CSMD1: variants seen among roughly 807,000 people sequenced by gnomAD.
CSMD1 encodes the protein CUB and sushi domain-containing protein 1.
CSMD1 carries 213 observed loss-of-function variants against 417.5 expected under a neutral mutation model. That is an observed-to-expected ratio of 0.51 (90% confidence interval 0.46 to 0.57). The LOEUF (loss-of-function observed/expected upper bound fraction) is 0.57, where lower values mean the gene tolerates loss of function less well. Among genes scored for constraint, CSMD1 ranks in the 20% least tolerant of loss-of-function variants. The pLI, the probability that CSMD1 is intolerant of heterozygous loss-of-function variation, is 0.00. For synonymous variants in CSMD1, 2,862 were observed against 1,736.8 expected (o/e 1.65, Z -16.11); for missense variants, 6,923 against 4,529.7 (o/e 1.53, Z -15.17).
chr8:3,638,565 T>C (rs1422490245), intron 7 of CSMD1, among the ~76,000 whole-genome samples: 2 of 152,186 alleles, frequency 1.3e-5, no homozygotes, highest in Non-Finnish European at 2.9e-5. Context: ...TGCTTGTCCC[T>C]GCCTGCAAAG....
chr8:3,869,847 T>C (rs1226210198), intron 5 of CSMD1, among the ~76,000 whole-genome samples: 1 of 151,920 alleles, frequency 6.6e-6, no homozygotes, highest in African/African-American at 2.4e-5. Flanking sequence ...CATTCCATGC[T>C]TTTATGAATT....
intron 3 of CSMD1, among the ~76,000 whole-genome samples, chr8:4,412,462 C>G (rs138742344): frequency 6.6e-6 from 1 of 152,310 alleles, no homozygotes; most frequent in Non-Finnish European, 1.5e-5. Context: ...AGAAGCCGGG[C>G]AGATGCCAGT....
Position 3,915,083 on chromosome 8 carries a change from G to A in CSMD1, c.818+82820C>T, listed in dbSNP as rs745501522. On this transcript the variant is annotated intron_variant, in intron 5 of 69. Coordinates refer to ENST00000635120, the MANE Select transcript of CSMD1 (RefSeq NM_033225.6). The stretch of plus-strand genomic sequence containing the variant: ...ATAGTTATTGAATTAATTAGGGATC[G>A]GAAAAGCCCTAATAATGAAGAGTCA... Among the ~76,000 whole-genome samples the A allele has an allele frequency of 3.0e-4, 46 of 152,142 alleles. 1 individual carries two copies. Among genetic ancestry groups the A allele is most frequent in the South Asian group, 8.3e-4 (4 of 4,810 alleles).
intron 6 of CSMD1, among the ~76,000 whole-genome samples, chr8:3,719,275 C>T (rs1044743047): frequency 1.7e-4 from 26 of 152,228 alleles, no homozygotes; most frequent in African/African-American, 5.8e-4. Context: ...ACCCCAGTTT[C>T]AGCAAAAAGG....
intron 54 of CSMD1, among the ~76,000 whole-genome samples, chr8:2,994,598 T>C (rs1806712791): frequency 6.6e-6 from 1 of 152,228 alleles, no homozygotes; most frequent in Admixed American, 6.5e-5. Flanking sequence ...AAACAACTCA[T>C]ATGTGGTAAA....
At chr8:4,517,749 G>A (rs1803203113) in intron 2 of CSMD1, among the ~76,000 whole-genome samples, 1 of 152,106 alleles carries the variant, frequency 6.6e-6, no homozygotes, top group Non-Finnish European at 1.5e-5. Context: ...TCATCTCAAT[G>A]CTTCAAGTAA....
rs956467819 is a variant in CSMD1 at position 3,665,516 on chromosome 8, G to A, written c.1009+42898C>T. On this transcript the variant is annotated intron_variant, in intron 7 of 69. Transcript: ENST00000635120. ...TGCACTCCAGCCTGGGCGACAGAGCGAGACTCCATCTCAAAGATATATATA... is the reference window on the plus strand; with the variant it reads ...TGCACTCCAGCCTGGGCGACAGAGCAAGACTCCATCTCAAAGATATATATA... 2.4e-4 allele frequency among the ~76,000 whole-genome samples: 36 copies of A among 152,204 alleles called. 1 individual carries two copies. Among genetic ancestry groups the A allele is most frequent in the South Asian group, 6.2e-4 (3 of 4,820 alleles).
intron 1 of CSMD1, among the ~76,000 whole-genome samples, chr8:4,951,064 A>T (rs970339541): frequency 6.6e-6 from 1 of 152,214 alleles, no homozygotes; most frequent in African/African-American, 2.4e-5. Context: ...CAACAAATAC[A>T]AATAATAAAT....
At chr8:3,160,774 T>C (rs1819837023) in intron 38 of CSMD1, among the ~76,000 whole-genome samples, 1 of 152,242 alleles carries the variant, frequency 6.6e-6, no homozygotes, top group African/African-American at 2.4e-5. Context: ...AAAGCATACA[T>C]CACATGGTAC....
At chr8:4,066,337 G>T (rs770073585) in intron 3 of CSMD1, among the ~76,000 whole-genome samples, 1 of 152,082 alleles carries the variant, frequency 6.6e-6, no homozygotes. Context: ...TGCCTAGCCC[G>T]TTCTGTCATT....
At chr8:3,415,678 G>C (rs1813091088) in intron 12 of CSMD1, among the ~76,000 whole-genome samples, 1 of 152,098 alleles carries the variant, frequency 6.6e-6, no homozygotes, top group African/African-American at 2.4e-5. Context: ...CACATTTATA[G>C]GTGTGTGTGT....
chr8:4,146,548 G>A (rs952699485), intron 3 of CSMD1, among the ~76,000 whole-genome samples: 6 of 143,580 alleles, frequency 4.2e-5, no homozygotes, highest in South Asian at 2.2e-4. Flanking sequence ...CACAACTCCA[G>A]GGAAGGAAGC....
rs549508104 is a variant in CSMD1 at position 3,292,372 on chromosome 8, T to A, written c.3951-8026A>T. Among the ~76,000 whole-genome samples, 13 of 152,292 alleles carry A rather than the reference T, an allele frequency of 8.5e-5. No homozygotes were observed. The East Asian group carries it at 2.1e-3, about 25-fold the overall frequency. On this transcript the variant is annotated intron_variant, in intron 25 of 69. Transcript: ENST00000635120. ...TTGGTGCAGAGCTGAGTTCAATTCC[T>A]GGGTATCCTTGTTAACTTTCTGTCT... is the stretch of plus-strand genomic sequence containing the variant.
intron 1 of CSMD1, among the ~76,000 whole-genome samples, chr8:4,702,707 C>G (rs74607608): frequency 0.011 from 1,610 of 152,038 alleles, 33 homozygotes; most frequent in African/African-American, 0.036. Flanking sequence ...TTGCTAAGTA[C>G]AAAAATTCTA....
At chr8:3,084,109 C>G (rs1031482153) in intron 49 of CSMD1, among the ~76,000 whole-genome samples, 7 of 152,144 alleles carry the variant, frequency 4.6e-5, no homozygotes, top group African/African-American at 1.4e-4. Context: ...CTAGCATAAT[C>G]CACAACACAC....
chr8:4,962,963 G>T (rs1425727775), intron 1 of CSMD1, among the ~76,000 whole-genome samples: 3 of 152,068 alleles, frequency 2.0e-5, no homozygotes, highest in Non-Finnish European at 4.4e-5. Flanking sequence ...GTTGGCGCTG[G>T]GAAAAGGATC....
intron 5 of CSMD1, among the ~76,000 whole-genome samples, chr8:3,958,691 G>C (rs1173880475): frequency 3.3e-5 from 5 of 152,122 alleles, no homozygotes; most frequent in African/African-American, 4.8e-5. Flanking sequence ...AAATGGATCA[G>C]GACATAACTG....
At chr8:4,432,040 G>C (rs75551595) in intron 2 of CSMD1, among the ~76,000 whole-genome samples, 5,330 of 152,062 alleles carry the variant, frequency 0.035, 320 homozygotes, top group African/African-American at 0.12. Context: ...TGTGTAAGGA[G>C]ATTTGGTAGT....
At chr8:4,147,166 C>A (rs961484313) in intron 3 of CSMD1, among the ~76,000 whole-genome samples, 4 of 152,050 alleles carry the variant, frequency 2.6e-5, no homozygotes, top group Non-Finnish European at 5.9e-5. Flanking sequence ...TACTCTCCCC[C>A]CCTGCCCCCA....
Sources: gnomAD v4.1 joint callset for allele counts (sites outside exome capture counted in the v4.1 genomes callset) on GRCh38, gnomAD v4.1.1 for gene constraint, MANE v1.5 for transcripts, NCBI Gene and HGNC (gene_info 2026-07-23, HGNC 2026-07-21) for gene names.